Variants in DPP10 observed in about 807,000 individuals in gnomAD.
The protein encoded by DPP10 is inactive dipeptidyl peptidase 10.
DPP10 carries 33 observed loss-of-function variants against 120.9 expected under a neutral mutation model. The ratio of observed to expected loss-of-function variants is 0.27; its 90% CI spans 0.21 to 0.37. The LOEUF is 0.37. DPP10 is among the 10% of genes least tolerant of loss of function. The pLI is 1.00. For synonymous variants in DPP10, 337 were observed against 326.1 expected, an observed-to-expected ratio of 1.03 and a Z score of -0.36; for missense variants, 816 against 942.8, an observed-to-expected ratio of 0.87 and a Z score of 1.76.
chr2:114,499,717 A>C (rs1282403561), intron 1 of DPP10, among the ~76,000 whole-genome samples: 1 of 152,212 alleles, frequency 6.6e-6, no homozygotes, highest in East Asian at 1.9e-4. Context: ...AACTATAAGT[A>C]GATTAAAACA....
At chr2:115,100,477 CACAT>C (rs1388105995) in intron 1 of DPP10, among the ~76,000 whole-genome samples, 1 of 151,780 alleles carries the variant, frequency 6.6e-6, no homozygotes, top group Non-Finnish European at 1.5e-5. Context: ...CACACACACA[CACAT>C]ATGAAATATA....
chr2:115,231,686 G>T (rs2057742011), intron 1 of DPP10, among the ~76,000 whole-genome samples: 1 of 152,166 alleles, frequency 6.6e-6, no homozygotes, highest in Non-Finnish European at 1.5e-5. Context: ...ATGTCTGTTT[G>T]TAACAAGCGT....
intron 1 of DPP10, among the ~76,000 whole-genome samples, chr2:114,924,348 G>A (rs1208846822): frequency 3.9e-5 from 6 of 152,036 alleles, no homozygotes; most frequent in Non-Finnish European, 8.8e-5. Context: ...GCAACATGGC[G>A]AAACCCCATC....
chr2:115,688,575 A>AT (rs1454263227), intron 5 of DPP10, among the ~76,000 whole-genome samples: 3 of 152,092 alleles, frequency 2.0e-5, no homozygotes, highest in Non-Finnish European at 4.4e-5. Flanking sequence ...CTAAAGAACA[A>AT]TTTTCTTCAC....
chr2:114,621,635 T>C lies in DPP10; in HGVS notation c.60+178797T>C, dbSNP rs573356904. ...AATCCAGTGGAGTTAAAAGGGATCT[T>C]CAAAAGGCACTCCGAGCACCCTTAT... On this transcript the variant is annotated intron_variant, in intron 1 of 25. Coordinates refer to ENST00000410059, the MANE Select transcript of DPP10 (RefSeq NM_020868.6). Among the ~76,000 whole-genome samples, 3 of 152,082 alleles carry C rather than the reference T, an allele frequency of 2.0e-5. No homozygotes were observed. In the East Asian group the frequency reaches 5.8e-4, roughly 30 times the overall value.
intron 1 of DPP10, among the ~76,000 whole-genome samples, chr2:114,796,563 T>C (rs564170672): frequency 9.9e-5 from 15 of 152,204 alleles, no homozygotes; most frequent in Admixed American, 8.5e-4. Flanking sequence ...AATATTTAAG[T>C]TTTTAGGAAG....
intron 3 of DPP10, among the ~76,000 whole-genome samples, chr2:115,364,460 TGTTCGCTA>T (rs2064967131): frequency 1.3e-5 from 2 of 152,090 alleles, no homozygotes; most frequent in South Asian, 4.1e-4. Context: ...CGTTGTTGCT[TGTTCGCTA>T]GTACGTGGGT....
At chr2:115,389,234 G>A (rs533405395) in intron 3 of DPP10, among the ~76,000 whole-genome samples, 1 of 151,058 alleles carries the variant, frequency 6.6e-6, no homozygotes, top group Admixed American at 6.7e-5. Context: ...CCCTCTGCCT[G>A]CAGTTAGGTG....
chr2:114,663,668 T>TATATATATAG, intron 1 of DPP10, among the ~76,000 whole-genome samples: 3 of 80,712 alleles, frequency 3.7e-5, no homozygotes, highest in African/African-American at 2.8e-4. Flanking sequence ...TATATATATA[T>TATATATATAG]AGAGAGAGAG....
chr2:114,738,818 CT>C (rs1677728336), intron 1 of DPP10, among the ~76,000 whole-genome samples: 1 of 152,122 alleles, frequency 6.6e-6, no homozygotes, highest in Admixed American at 6.6e-5. Flanking sequence ...ACCTAAAGCG[CT>C]TGTGGTAATT....
At chr2:115,726,857 T>C (rs950093752) in intron 7 of DPP10, among the ~76,000 whole-genome samples, 1 of 152,114 alleles carries the variant, frequency 6.6e-6, no homozygotes, top group Non-Finnish European at 1.5e-5. Flanking sequence ...TGTGTGTTAA[T>C]TCTATACCAT....
chr2:115,737,780 A>G (rs1051961579), intron 8 of DPP10, among the ~76,000 whole-genome samples: 2 of 152,202 alleles, frequency 1.3e-5, no homozygotes, highest in African/African-American at 4.8e-5. Context: ...TTACTTTTAC[A>G]TAAGTACAAT....
At chr2:115,425,333 T>C (rs768563912) in intron 3 of DPP10, among the ~76,000 whole-genome samples, 44 of 152,208 alleles carry the variant, frequency 2.9e-4, no homozygotes, top group Non-Finnish European at 2.6e-4. Context: ...AACTAAGTAC[T>C]ATTGTGTACT....
intron 1 of DPP10, among the ~76,000 whole-genome samples, chr2:114,471,583 T>G (rs893197685): frequency 6.6e-6 from 1 of 152,212 alleles, no homozygotes; most frequent in Non-Finnish European, 1.5e-5. Flanking sequence ...CAAGTTTGAT[T>G]GTTGATAAAT....
rs922863781 is a variant in DPP10 at position 115,459,560 on chromosome 2, A to G, written c.272-39950A>G. 5.3e-5 allele frequency among the ~76,000 whole-genome samples: 8 copies of G among 152,094 alleles called. No homozygotes were observed. In the South Asian group the frequency reaches 6.2e-4, roughly 12 times the overall value. On this transcript the variant is annotated intron_variant, in intron 3 of 25. Coordinates refer to ENST00000410059, the MANE Select transcript of DPP10 (RefSeq NM_020868.6). The stretch of plus-strand genomic sequence containing the variant: ...TCTCAATTTTTTTCATGCAGGCAAT[A>G]TTAGCATTGTGATACATAAAATATA...
At chr2:115,380,482 C>T (rs905884469) in intron 3 of DPP10, among the ~76,000 whole-genome samples, 1 of 152,168 alleles carries the variant, frequency 6.6e-6, no homozygotes, top group Non-Finnish European at 1.5e-5. Flanking sequence ...ATACAGCACA[C>T]TGATAGGTCT....
rs10565038 is a variant in DPP10 at position 115,105,422 on chromosome 2, TGAGAGAGAGAGA to T, written c.61-203793_61-203782del. ...AAAGGGGAGCAGATGTGTCACATGG[TGAGAGAGAGAGA>T]GAGAGAGAGAGAGAGAGAGAGAGGA... On this transcript the variant is annotated intron_variant, in intron 1 of 25. Transcript: ENST00000410059. Among the ~76,000 whole-genome samples, 44 of 146,228 alleles carry T rather than the reference TGAGAGAGAGAGA, an allele frequency of 3.0e-4. No individual in the cohort carries two copies. The East Asian group carries it at 3.5e-3, about 12-fold the overall frequency.
chr2:115,003,499 C>A (rs2105020439), intron 1 of DPP10, among the ~76,000 whole-genome samples: 1 of 151,818 alleles, frequency 6.6e-6, no homozygotes, highest in East Asian at 1.9e-4. Context: ...TTTGCAGATG[C>A]ACCCCTAAAT....
intron 1 of DPP10, among the ~76,000 whole-genome samples, chr2:114,507,390 T>C (rs1683765819): frequency 1.3e-5 from 2 of 152,162 alleles, no homozygotes; most frequent in South Asian, 4.1e-4. Context: ...TTTTTTAACA[T>C]TCCATGTTAT....
Sources: gnomAD v4.1 joint callset for allele counts (sites outside exome capture counted in the v4.1 genomes callset) on GRCh38, gnomAD v4.1.1 for gene constraint, MANE v1.5 for transcripts, NCBI Gene and HGNC (gene_info 2026-07-23, HGNC 2026-07-21) for gene names.